Variants in GPR27 observed in about 807,000 individuals in gnomAD.
GPR27 encodes G protein-coupled receptor 27, also known as probable G protein-coupled receptor 27.
In GPR27, 3 loss-of-function variants were observed where a neutral mutation model predicts 2.4. The ratio of observed to expected loss-of-function variants is 1.23; its 90% CI spans 0.56 to 3.18. The LOEUF is 3.18. Among genes scored for constraint, GPR27 ranks in the 30% most tolerant of loss-of-function variants. GPR27 has a pLI of 0.03. For synonymous variants in GPR27, 367 were observed against 296.4 expected (o/e 1.24, Z -2.45); for missense variants, 526 against 566.1 (o/e 0.93, Z 0.72).
rs1208957072 is a variant in GPR27, at chr3:71,753,869, G to C, written c.-181G>C. ...CTGCGCGCACCATTCCTGAGATGGCGGCGGCGGCACAGCGGCGGCTCGGGG... is the reference window on the plus strand; with the variant it reads ...CTGCGCGCACCATTCCTGAGATGGCCGCGGCGGCACAGCGGCGGCTCGGGG... On this transcript the variant is annotated 5_prime_UTR_variant, in exon 1 of 1. Transcript: ENST00000304411. Among the ~76,000 whole-genome samples, 1 of 148,604 alleles carries C rather than the reference G, an allele frequency of 6.7e-6. No homozygotes were observed. Among genetic ancestry groups the C allele is most frequent in the Non-Finnish European group, 1.5e-5 (1 of 66,548 alleles).
rs1166585972 is a variant in GPR27 at position 71,755,116 on chromosome 3, G to C, written c.1067G>C (p.Cys356Ser). The change falls in exon 1 of 1, where the codon TGC becomes TCC. Residue 356 changes from cysteine (C) to serine (S), a missense_variant. This residue lies in a region of GPR27 where 116 missense variants were observed against 100.9 expected (regional missense o/e 1.15). Coordinates refer to ENST00000304411, the MANE Select transcript of GPR27 (RefSeq NM_018971.3). The part of the protein sequence containing the change: ...RDCFRAQFPC[C>S]QSPRTTQATH... ...TGCTTCAGGGCCCAGTTCCCCTGCT[G>C]CCAGAGCCCCCGGACCACCCAGGCG... The C allele has an allele frequency of 6.2e-7, 1 of 1,609,872 alleles. No homozygotes were observed. Among genetic ancestry groups the C allele is most frequent in the Admixed American group, 1.7e-5 (1 of 59,982 alleles).
In GPR27 at chr3:71,755,111, C is replaced by T. The variant is rs757092525; in HGVS notation, c.1062C>T (p.Pro354=). Residue 354 remains proline, a synonymous_variant, in exon 1 of 1, where the codon CCC becomes CCT. Transcript: ENST00000304411. ...ELRDCFRAQF[P]CCQSPRTTQA... Reference sequence around the variant, plus strand: ...GGGACTGCTTCAGGGCCCAGTTCCCCTGCTGCCAGAGCCCCCGGACCACCC... The same window carrying T: ...GGGACTGCTTCAGGGCCCAGTTCCCTTGCTGCCAGAGCCCCCGGACCACCC... 2.5e-6 allele frequency: 4 copies of T among 1,610,026 alleles called. No individual in the cohort carries two copies. The highest frequency in any genetic ancestry group is 3.4e-6 in the Non-Finnish European group (4 of 1,179,862).
rs1201886097 is a variant in GPR27 at position 71,756,373 on chromosome 3, G to T, written c.*1196G>T. 6.6e-6 allele frequency: 1 copy of T among 152,116 alleles called. No homozygotes were observed. Among genetic ancestry groups the T allele is most frequent in the East Asian group, 1.9e-4 (1 of 5,198 alleles). The allele number at this position is 152,116 out of a possible 1,614,324, so 9.4% of individuals were successfully genotyped here. The stretch of plus-strand genomic sequence containing the variant: ...ATGTTAAACTGAAAGACTAAATTCT[G>T]CAAGTACTATATAATATTTTTGGCT... On this transcript the variant is annotated 3_prime_UTR_variant, in exon 1 of 1. Transcript: ENST00000304411.
At position 71,754,586 on chromosome 3, in the gene GPR27, C is replaced by T; in HGVS notation, c.537C>T (p.Gly179=). The change falls in exon 1 of 1, where the codon GGC becomes GGT. Residue 179 remains glycine (G), a synonymous_variant. Coordinates refer to ENST00000304411, the MANE Select transcript of GPR27 (RefSeq NM_018971.3). This position sits in a 1 kb window ranked among gnomAD's most constrained non-coding sequence, Gnocchi z 5.8. ...GCGCCCTGGAGCAGCGGCCCGACGG[C>T]GCCCCCGGCGCGCTGGGCTTCCTGC... ...APCALEQRPD[G]APGALGFLLL... 1 of 1,415,418 alleles carries T rather than the reference C, an allele frequency of 7.1e-7. No individual in the cohort carries two copies. Among genetic ancestry groups the T allele is most frequent in the South Asian group, 1.4e-5 (1 of 72,684 alleles). 87.7% of individuals were successfully genotyped at this position (1,415,418 alleles called of 1,614,324 possible).
rs745939810 is a variant in GPR27 at position 71,754,862 on chromosome 3, C to T, written c.813C>T (p.Leu271=). Reference sequence around the variant, plus strand: ...CGGGCCGCGGCGCGCGCCGCCTCCTCGTGCTGGAAGAATTCAAGACGGAGA... The same window carrying T: ...CGGGCCGCGGCGCGCGCCGCCTCCTTGTGCTGGAAGAATTCAAGACGGAGA... The part of the protein sequence containing the change: ...AGPGRGARRL[L]VLEEFKTEKR... The change falls in exon 1 of 1, where the codon CTC becomes CTT. Residue 271 remains leucine (L), a synonymous_variant. Transcript: ENST00000304411. This position sits in a 1 kb window ranked among gnomAD's most constrained non-coding sequence, Gnocchi z 5.8. 1.2e-6 allele frequency: 2 copies of T among 1,610,160 alleles called. No homozygotes were observed. The highest frequency in any genetic ancestry group is 1.1e-5 in the South Asian group (1 of 90,892).
In GPR27 at chr3:71,755,020, T is replaced by C. The variant is rs2049987647; in HGVS notation, c.971T>C (p.Val324Ala). Residue 324 changes from valine (V) to alanine (A), a missense_variant, in exon 1 of 1, where the codon GTG becomes GCG. Around this residue, in one of 3 missense-constraint regions of GPR27, gnomAD observed 116 missense variants for 100.9 expected, o/e 1.15. Coordinates refer to ENST00000304411, the MANE Select transcript of GPR27 (RefSeq NM_018971.3). ...CCCCAGGCCTACCTGACGGCCTCCGTGTGGCTGACCTTCGCGCAGGCCGGC... is the reference window on the plus strand; with the variant it reads ...CCCCAGGCCTACCTGACGGCCTCCGCGTGGCTGACCTTCGCGCAGGCCGGC... ...AVPQAYLTAS[V>A]WLTFAQAGIN... is the part of the protein sequence containing the mutation. 1.9e-6 allele frequency: 3 copies of C among 1,613,134 alleles called. No individual in the cohort carries two copies. The East Asian group carries it at 6.7e-5, about 36-fold the overall frequency.
chr3:71,754,399 G>A lies in GPR27; in HGVS notation c.350G>A (p.Gly117Asp), dbSNP rs2049978326. 1.5e-6 allele frequency: 2 copies of A among 1,346,752 alleles called. No homozygotes were observed. The highest frequency in any genetic ancestry group is 1.5e-5 in the African/African-American group (1 of 65,898). The allele number at this position is 1,346,752 out of a possible 1,614,324, so 83.4% of individuals were successfully genotyped here. Reference protein sequence around the residue: ...FHAAFLLLGVGVTRYLAIAHH... With the variant: ...FHAAFLLLGVDVTRYLAIAHH... ...GCCGCCTTCCTGCTGCTGGGCGTGG[G>A]CGTCACCCGCTACCTGGCCATCGCG... is the stretch of plus-strand genomic sequence containing the variant. Residue 117 changes from glycine (G) to aspartate (D), a missense_variant, in exon 1 of 1, where the codon GGC becomes GAC. This residue lies in a region of GPR27 where 312 missense variants were observed against 318.4 expected (regional missense o/e 0.98). Coordinates refer to ENST00000304411, the MANE Select transcript of GPR27 (RefSeq NM_018971.3). The surrounding 1 kb of genome is among the most constrained non-coding windows in gnomAD (Gnocchi z 5.8).
Sources: gnomAD v4.1 joint callset for allele counts (sites outside exome capture counted in the v4.1 genomes callset) on GRCh38, gnomAD v4.1.1 for gene constraint, gnomAD v4.1.1 regional missense constraint, Gnocchi (gnomAD v3.1) non-coding constraint, MANE v1.5 for transcripts, NCBI Gene and HGNC (gene_info 2026-07-23, HGNC 2026-07-21) for gene names.